Variants in PTPRT observed in about 807,000 individuals in gnomAD.
PTPRT encodes protein tyrosine phosphatase receptor type T.
A neutral mutation model predicts 176.8 loss-of-function variants in PTPRT; 56 were observed. That is an observed-to-expected ratio of 0.32 (90% CI 0.26 to 0.40). The LOEUF is 0.40. PTPRT is among the 10% of genes least tolerant of loss of function. PTPRT has a pLI of 1.00. For synonymous variants in PTPRT, 783 were observed against 739.0 expected, an observed-to-expected ratio of 1.06 and a Z score of -0.96; for missense variants, 1,540 against 1,908.2, an observed-to-expected ratio of 0.81 and a Z score of 3.60.
At chr20:42,041,217 G>T in the PTPRT span, among the ~76,000 whole-genome samples, 1 of 152,142 alleles carries the variant, frequency 6.6e-6, no homozygotes, top group South Asian at 2.1e-4. Context: ...CCGTTTTGGG[G>T]TTCTCTCTCC....
chr20:42,211,423 C>T (rs1314393507), intron 15 of PTPRT, among the ~76,000 whole-genome samples: 1 of 151,044 alleles, frequency 6.6e-6, no homozygotes, highest in African/African-American at 2.4e-5. Context: ...TATCCAGAAT[C>T]TACAATGAAC....
chr20:42,766,456 T>C (rs2076984131), intron 5 of PTPRT, among the ~76,000 whole-genome samples: 1 of 152,226 alleles, frequency 6.6e-6, no homozygotes, highest in Admixed American at 6.5e-5. Flanking sequence ...ATCGGTCCTG[T>C]CCATTGACTC....
intron 13 of PTPRT, among the ~76,000 whole-genome samples, chr20:42,253,164 A>C (rs2056576997): frequency 6.6e-6 from 1 of 152,154 alleles, no homozygotes; most frequent in African/African-American, 2.4e-5. Flanking sequence ...TTTGTGGCAG[A>C]GTCAGGTGTG....
rs548723604 is a variant in PTPRT at position 42,880,629 on chromosome 20, A to T, written c.214+5178T>A. The stretch of plus-strand genomic sequence containing the variant: ...GGATGACTTGTGGAAACCCATGCCA[A>T]AGATGGGGAAGGCAGGGCTAGGAAC... On this transcript the variant is annotated intron_variant, in intron 2 of 30. Coordinates refer to ENST00000373187, the MANE Select transcript of PTPRT (RefSeq NM_007050.6). Among the ~76,000 whole-genome samples, 5 of 152,246 alleles carry T rather than the reference A, an allele frequency of 3.3e-5. No homozygotes were observed. In the East Asian group the frequency reaches 9.7e-4, roughly 29 times the overall value.
chr20:42,752,459 A>G (rs1243280319), intron 6 of PTPRT, among the ~76,000 whole-genome samples: 2 of 152,164 alleles, frequency 1.3e-5, no homozygotes, highest in Non-Finnish European at 2.9e-5. Flanking sequence ...AGACCCAAGC[A>G]TCTTGGCTGC....
At chr20:42,810,126 C>T (rs1192155774) in intron 2 of PTPRT, among the ~76,000 whole-genome samples, 1 of 152,036 alleles carries the variant, frequency 6.6e-6, no homozygotes, top group Non-Finnish European at 1.5e-5. Context: ...AACCCCATCG[C>T]TACTAAAATA....
intron 1 of PTPRT, among the ~76,000 whole-genome samples, chr20:42,951,021 T>C (rs1023676332): frequency 6.6e-6 from 1 of 152,252 alleles, no homozygotes; most frequent in Non-Finnish European, 1.5e-5. Context: ...ATTTCTGACC[T>C]AACAGCACTA....
chr20:43,129,947 C>T (rs2013593422), intron 1 of PTPRT, among the ~76,000 whole-genome samples: 1 of 152,126 alleles, frequency 6.6e-6, no homozygotes, highest in Non-Finnish European at 1.5e-5. Flanking sequence ...GATTTTGTAA[C>T]ACAGAATCAA....
intron 9 of PTPRT, 66 bp from the exon 10 acceptor site, chr20:42,352,351 C>T (rs972109719): frequency 1.3e-6 from 2 of 1,541,464 alleles, no homozygotes; most frequent in African/African-American, 2.7e-5. Flanking sequence ...GATGGAGCTC[C>T]TTTAGAGGAA....
At chr20:42,620,446 C>T (rs2145854469) in intron 7 of PTPRT, among the ~76,000 whole-genome samples, 1 of 149,650 alleles carries the variant, frequency 6.7e-6, no homozygotes, top group South Asian at 2.1e-4. Context: ...AGGCAGGCCT[C>T]CTAGAGCTGT....
chr20:42,411,517 CAAAAAAAAA>C, intron 9 of PTPRT, among the ~76,000 whole-genome samples: 2 of 88,302 alleles, frequency 2.3e-5, no homozygotes, highest in South Asian at 8.8e-4. Context: ...AACCCTGTCT[CAAAAAAAAA>C]AAAAAAAAAA....
chr20:42,515,798 T>G (rs1189022183), intron 7 of PTPRT, among the ~76,000 whole-genome samples: 1 of 151,666 alleles, frequency 6.6e-6, no homozygotes, highest in Non-Finnish European at 1.5e-5. Context: ...TAAAGACACA[T>G]GCACACGTAT....
intron 1 of PTPRT, among the ~76,000 whole-genome samples, chr20:43,163,364 C>A (rs1345827332): frequency 6.6e-6 from 1 of 152,038 alleles, no homozygotes; most frequent in African/African-American, 2.4e-5. Context: ...CTGGGCCAGG[C>A]GCGGTGGCTC....
intron 1 of PTPRT, among the ~76,000 whole-genome samples, chr20:43,083,588 A>T (rs897182399): frequency 2.6e-5 from 4 of 151,464 alleles, no homozygotes; most frequent in African/African-American, 9.7e-5. Context: ...CAAACTCCTG[A>T]CCTCAAGTGA....
At chr20:42,114,497 T>C (rs1568944351) in intron 22 of PTPRT, among the ~76,000 whole-genome samples, 1 of 152,222 alleles carries the variant, frequency 6.6e-6, no homozygotes, top group Admixed American at 6.5e-5. Flanking sequence ...CTCACCAAGC[T>C]TGTGCAGCCC....
intron 13 of PTPRT, 23 bp downstream of exon 13, chr20:42,282,462 AAGAC>A: frequency 6.2e-7 from 1 of 1,603,242 alleles, no homozygotes; most frequent in South Asian, 1.1e-5. Flanking sequence ...AGAACAGGTG[AAGAC>A]AGACAAGCAG....
chr20:42,964,335 GA>G (rs927824144), intron 1 of PTPRT, among the ~76,000 whole-genome samples: 2 of 151,670 alleles, frequency 1.3e-5, no homozygotes, highest in East Asian at 1.9e-4. Flanking sequence ...AATGTCAATA[GA>G]AAAAAAATGC....
chr20:42,911,357 A>C (rs1468370745), intron 1 of PTPRT, among the ~76,000 whole-genome samples: 1 of 152,190 alleles, frequency 6.6e-6, no homozygotes, highest in Non-Finnish European at 1.5e-5. Flanking sequence ...ACTAGCTATT[A>C]TTATTATTAG....
intron 6 of PTPRT, among the ~76,000 whole-genome samples, chr20:42,710,145 T>C (rs1439175447): frequency 1.3e-5 from 2 of 152,180 alleles, no homozygotes; most frequent in Non-Finnish European, 2.9e-5. Context: ...ATCTGCAGCC[T>C]GGCCATATGG....
Sources: allele counts gnomAD v4.1 joint callset (sites outside exome capture counted in the v4.1 genomes callset), GRCh38; gene constraint gnomAD v4.1.1; transcripts MANE v1.5; gene names NCBI Gene and HGNC (gene_info 2026-07-23, HGNC 2026-07-21).